Variants in CDH17 observed in about 807,000 individuals in gnomAD.
CDH17 encodes the protein cadherin-17.
In CDH17, 67 loss-of-function variants were observed where a neutral mutation model predicts 86.3. That is an observed-to-expected ratio of 0.78 (90% CI 0.64 to 0.95). The LOEUF is 0.95. CDH17 is among the 40% of genes least tolerant of loss of function. The pLI is 0.00. For missense variants in CDH17, 993 were observed against 1,017.6 expected, an observed-to-expected ratio of 0.98 and a Z score of 0.33; for synonymous variants, 367 against 366.4, an observed-to-expected ratio of 1.00 and a Z score of -0.02.
chr8:94,146,591 G>A (rs190040315), intron 14 of CDH17, among the ~76,000 whole-genome samples: 266 of 152,284 alleles, frequency 1.7e-3, no homozygotes, highest in African/African-American at 6.3e-3. Flanking sequence ...GAATGTTCTG[G>A]AAAATAGTAA....
At position 94,130,992 on chromosome 8, in the gene CDH17, C is replaced by G. The variant is rs1455468761; in HGVS notation, c.2168G>C (p.Gly723Ala). 3 of 1,471,760 alleles carry G rather than the reference C, an allele frequency of 2.0e-6. No homozygotes were observed. The highest frequency in any genetic ancestry group is 2.8e-6 in the Non-Finnish European group (3 of 1,055,152). The allele number at this position is 1,471,760 out of a possible 1,614,324, so 91.2% of individuals were successfully genotyped here. ...CCTGGTAGACAGTCGGGCATGAGTA[C>G]CTGCCAGGACAGGAAAAAAAAATGA... ...QNDWEVSKIN[G>A]THARLSTRHT... Residue 723 changes from glycine (G) to alanine (A), a missense_variant and splice_region_variant, in exon 16 of 18, where the codon GGT becomes GCT. Transcript: ENST00000027335.
At chr8:94,191,540 C>A (rs55795711) in intron 2 of CDH17, among the ~76,000 whole-genome samples, 55,118 of 150,338 alleles carry the variant, frequency 0.37, 11,212 homozygotes, top group Middle Eastern at 0.48. Flanking sequence ...CAACATCTGC[C>A]TCCCAGGTTC....
chr8:94,159,989 T>A lies in CDH17; in HGVS notation c.1533A>T (p.Gly511=). The change falls in exon 12 of 18, where the codon GGA becomes GGT. Residue 511 remains glycine, a synonymous_variant. Transcript: ENST00000027335. ...TATTTACCTTTTTAATTATGACATATCCGGTGTTGGTATGGGGATCTGTGT... is the reference window on the plus strand; with the variant it reads ...TATTTACCTTTTTAATTATGACATAACCGGTGTTGGTATGGGGATCTGTGT... ...GVDTDPHTNT[G]YVIIKKPLDF... 6.2e-7 allele frequency: 1 copy of A among 1,608,836 alleles called. No individual in the cohort carries two copies. Among genetic ancestry groups the A allele is most frequent in the East Asian group, 2.2e-5 (1 of 44,846 alleles).
At position 94,165,959 on chromosome 8, in the gene CDH17, G is replaced by T. The variant is rs1419804839; in HGVS notation, c.1084C>A (p.Leu362Ile). ...NERLGNSIGT[L>I]TAHDRDEENT... ...TCTTCATCCCTGTCATGTGCAGTAA[G>T]GGTCCCGATACTGTTACCTATGAGG... is the stretch of plus-strand genomic sequence containing the variant. The change falls in exon 10 of 18, where the codon CTT becomes ATT. Residue 362 changes from leucine to isoleucine, a missense_variant. Coordinates refer to ENST00000027335, the MANE Select transcript of CDH17 (RefSeq NM_004063.4). 1.9e-6 allele frequency: 3 copies of T among 1,611,794 alleles called. No homozygotes were observed. Among genetic ancestry groups the T allele is most frequent in the Non-Finnish European group, 2.5e-6 (3 of 1,178,084 alleles).
chr8:94,146,264 A>G (rs1267216855), intron 14 of CDH17, 97 bp from the exon 15 acceptor site: 1 of 1,128,414 alleles, frequency 8.9e-7, no homozygotes, highest in Non-Finnish European at 1.2e-6. Flanking sequence ...AGTTAGGTAC[A>G]CTGAGATGCT....
chr8:94,155,792 G>C (rs1357588752), intron 12 of CDH17, among the ~76,000 whole-genome samples: 1 of 152,202 alleles, frequency 6.6e-6, no homozygotes, highest in Non-Finnish European at 1.5e-5. Context: ...ACTGGGGCGG[G>C]AAGACTAGCT....
Position 94,176,694 on chromosome 8 carries a change from A to G in CDH17, c.286-15T>C. On this transcript the variant is annotated splice_polypyrimidine_tract_variant and intron_variant, in intron 4 of 17. Transcript: ENST00000027335. Reference sequence around the variant, plus strand: ...AGGGCTGCAACCTGATGTTGAGGAAAAGGAAACCATGTTGGTGAGACTGAA... The same window carrying G: ...AGGGCTGCAACCTGATGTTGAGGAAGAGGAAACCATGTTGGTGAGACTGAA... 1 of 1,606,748 alleles carries G rather than the reference A, an allele frequency of 6.2e-7. No individual in the cohort carries two copies.
chr8:94,161,709 G>T (rs1300774040), intron 11 of CDH17, among the ~76,000 whole-genome samples: 1 of 151,864 alleles, frequency 6.6e-6, no homozygotes, highest in African/African-American at 2.4e-5. Context: ...TAAATTTTTG[G>T]CTAAAAATGC....
intron 3 of CDH17, among the ~76,000 whole-genome samples, chr8:94,186,340 T>C (rs1316803542): frequency 1.3e-5 from 2 of 152,120 alleles, no homozygotes; most frequent in African/African-American, 4.8e-5. Flanking sequence ...TGTTCCCTCA[T>C]CCCCTGTGCT....
chr8:94,214,817 AG>A (rs1210488830), intron 1 of CDH17, among the ~76,000 whole-genome samples: 11 of 152,236 alleles, frequency 7.2e-5, no homozygotes, highest in African/African-American at 2.4e-4. Context: ...CAAAAAATAA[AG>A]GATCTGAATA....
chr8:94,183,297 AC>A (rs910028554), intron 3 of CDH17, among the ~76,000 whole-genome samples: 2 of 152,144 alleles, frequency 1.3e-5, no homozygotes, highest in Non-Finnish European at 2.9e-5. Context: ...AGAATAGCCA[AC>A]AACAAAGTAG....
rs192713800 is a variant in CDH17 at position 94,159,871 on chromosome 8, G to A, written c.1551+100C>T. On this transcript the variant is annotated intron_variant, in intron 12 of 17. Transcript: ENST00000027335. The stretch of plus-strand genomic sequence containing the variant: ...GAACCCATCACCATGCCTGAGAGAT[G>A]GCTGCTAATACATCACCTCTGCTTA... 2.2e-3 allele frequency: 1,783 copies of A among 809,702 alleles called. 4 individuals carry two copies. The highest frequency in any genetic ancestry group is 5.7e-3 in the Middle Eastern group (15 of 2,648). 50.2% of individuals were successfully genotyped at this position (809,702 alleles called of 1,614,324 possible). A position where few individuals can be genotyped will look rare whatever the true frequency, so the allele number is the denominator to read the frequency against.
chr8:94,195,550 C>G (rs1813767347), intron 1 of CDH17, among the ~76,000 whole-genome samples: 1 of 152,142 alleles, frequency 6.6e-6, no homozygotes, highest in African/African-American at 2.4e-5. Context: ...AAACAAAAAT[C>G]TGAACTCTGT....
chr8:94,215,344 A>G (rs1303209379), intron 1 of CDH17, among the ~76,000 whole-genome samples: 1 of 152,250 alleles, frequency 6.6e-6, no homozygotes. Flanking sequence ...TGATACTACA[A>G]GACTAAACCT....
rs533455693 is a variant in CDH17 at position 94,185,315 on chromosome 8, C to A, written c.150+3872G>T. Among the ~76,000 whole-genome samples, 181 of 143,596 alleles carry A rather than the reference C, an allele frequency of 1.3e-3. 3 individuals carry two copies. The South Asian group carries it at 0.028, about 22-fold the overall frequency. The allele number at this position is 143,596 out of a possible 152,430, so 94.2% of individuals were successfully genotyped here. ...CACACACACACACACACACACACAC[C>A]CCTGTAAAGAAGAAACATTCAACCA... On this transcript the variant is annotated intron_variant, in intron 3 of 17. Transcript: ENST00000027335.
chr8:94,151,747 T>C, intron 13 of CDH17, 121 bp downstream of exon 13: 1 of 1,327,020 alleles, frequency 7.5e-7, no homozygotes, highest in African/African-American at 1.4e-5. Context: ...CAAAGCCAAT[T>C]TCATCATTGC....
intron 15 of CDH17, 87 bp downstream of exon 15, chr8:94,145,841 T>G: frequency 7.1e-7 from 1 of 1,399,950 alleles, no homozygotes. Flanking sequence ...GAAAGCTCTT[T>G]GCTGAGTACA....
At chr8:94,150,004 A>C (rs1812827780) in intron 13 of CDH17, among the ~76,000 whole-genome samples, 1 of 152,240 alleles carries the variant, frequency 6.6e-6, no homozygotes, top group Admixed American at 6.5e-5. Context: ...CATCTATTTA[A>C]AACATTTTCT....
intron 7 of CDH17, 94 bp downstream of exon 7, chr8:94,173,703 A>G: frequency 4.4e-6 from 4 of 905,976 alleles, no homozygotes; most frequent in Non-Finnish European, 7.2e-6. Flanking sequence ...AAGGTATCTA[A>G]TAAGTGTATC....
Sources: gnomAD v4.1 joint callset for allele counts (sites outside exome capture counted in the v4.1 genomes callset) on GRCh38, gnomAD v4.1.1 for gene constraint, MANE v1.5 for transcripts, NCBI Gene and HGNC (gene_info 2026-07-23, HGNC 2026-07-21) for gene names.